The following MAN1C1 variants were observed in gnomAD, a reference collection of about 807,000 sequenced individuals.
MAN1C1 encodes the protein mannosidase alpha class 1C member 1, also known as mannosyl-oligosaccharide 1,2-alpha-mannosidase IC.
MAN1C1 carries 49 observed loss-of-function variants against 71.5 expected under a neutral mutation model. The observed-to-expected ratio is 0.69, with a 90% CI of 0.54 to 0.87. The LOEUF (loss-of-function observed/expected upper bound fraction) is 0.87, where lower values mean the gene tolerates loss of function less well. MAN1C1 is among the 40% of genes least tolerant of loss of function. MAN1C1 has a pLI of 0.00. For synonymous variants in MAN1C1, 352 were observed against 343.7 expected, an observed-to-expected ratio of 1.02 and a Z score of -0.27; for missense variants, 743 against 835.0, an observed-to-expected ratio of 0.89 and a Z score of 1.36.
At chr1:25,739,249 C>T (rs1232895472) in intron 2 of MAN1C1, among the ~76,000 whole-genome samples, 2 of 152,168 alleles carry the variant, frequency 1.3e-5, no homozygotes, top group African/African-American at 2.4e-5. Flanking sequence ...GTCAGTGTCA[C>T]AAGAAAAGCT....
Position 25,778,056 on chromosome 1 carries a change from G to T in MAN1C1, c.1258-49G>T. On this transcript the variant is annotated intron_variant, in intron 8 of 11. Transcript: ENST00000374332. This position sits in a 1 kb window ranked among gnomAD's most constrained non-coding sequence, Gnocchi z 5.5. The stretch of plus-strand genomic sequence containing the variant: ...TTTCCATCCTTTCCCCCCCTTCTCT[G>T]TGCCCTCCCACGCCCCTTCTCCCTG... 1 of 1,362,334 alleles carries T rather than the reference G, an allele frequency of 7.3e-7. No homozygotes were observed. Among genetic ancestry groups the T allele is most frequent in the Non-Finnish European group, 1.0e-6 (1 of 1,000,624 alleles). The allele number at this position is 1,362,334 out of a possible 1,614,324, so 84.4% of individuals were successfully genotyped here.
At chr1:25,719,458 C>T (rs886541630) in intron 2 of MAN1C1, among the ~76,000 whole-genome samples, 1 of 150,346 alleles carries the variant, frequency 6.7e-6, no homozygotes, top group Non-Finnish European at 1.5e-5. Flanking sequence ...GATAGGGTCT[C>T]TCTGTGCTCA....
In MAN1C1 at chr1:25,753,498, G is replaced by A. The variant is rs965801766; in HGVS notation, c.849G>A (p.Lys283=). The A allele has an allele frequency of 4.3e-6, 7 of 1,613,712 alleles. No homozygotes were observed. In the African/African-American group the frequency reaches 5.3e-5, roughly 12 times the overall value. The stretch of plus-strand genomic sequence containing the variant: ...CTCCTTTACAGGTGTTCCGAATAAA[G>A]GCCATCAGGCTGGGAGAGAAGCTCC... ...YLTGEEVFRI[K]AIRLGEKLLP... is the part of the protein sequence containing the mutation. The change falls in exon 5 of 12, where the codon AAG becomes AAA. Residue 283 remains lysine (K), a synonymous_variant. Transcript: ENST00000374332. The surrounding 1 kb of genome is among the most constrained non-coding windows in gnomAD (Gnocchi z 4.9).
intron 1 of MAN1C1, among the ~76,000 whole-genome samples, chr1:25,640,026 A>G (rs1217592415): frequency 6.6e-6 from 1 of 152,214 alleles, no homozygotes; most frequent in Middle Eastern, 3.2e-3. Flanking sequence ...GCTTTTTAAA[A>G]CTTAGTTTGT....
chr1:25,760,731 C>T (rs933136749), intron 6 of MAN1C1: 3 of 152,224 alleles, frequency 2.0e-5, no homozygotes, highest in African/African-American at 4.8e-5. Context: ...CTCCCGGCCC[C>T]GTACACACAT....
At chr1:25,688,023 C>T (rs1470137147) in intron 2 of MAN1C1, among the ~76,000 whole-genome samples, 2 of 151,900 alleles carry the variant, frequency 1.3e-5, no homozygotes, top group Admixed American at 6.6e-5. Flanking sequence ...AATGTTTTAA[C>T]GGTGTCTGTG....
Position 25,778,438 on chromosome 1 carries a change from C to T in MAN1C1, c.1477+114C>T. The T allele has an allele frequency of 9.5e-7, 1 of 1,050,286 alleles. No homozygotes were observed. The highest frequency in any genetic ancestry group is 1.4e-6 in the Non-Finnish European group (1 of 734,624). The allele number at this position is 1,050,286 out of a possible 1,614,324, so 65.1% of individuals were successfully genotyped here. ...GCACATGGCCTTAGGGAAGCCTCCC[C>T]TTGGAAGTTAAGTAGAATTTGAGAG... On this transcript the variant is annotated intron_variant, in intron 9 of 11. Coordinates refer to ENST00000374332, the MANE Select transcript of MAN1C1 (RefSeq NM_020379.4). The surrounding 1 kb of genome is among the most constrained non-coding windows in gnomAD (Gnocchi z 5.5).
intron 1 of MAN1C1, among the ~76,000 whole-genome samples, chr1:25,629,134 T>C (rs2045343079): frequency 6.6e-6 from 1 of 152,202 alleles, no homozygotes; most frequent in African/African-American, 2.4e-5. Flanking sequence ...CAGGATCGAA[T>C]GGTAGATCTA....
chr1:25,689,947 G>T (rs1206952266), intron 2 of MAN1C1, among the ~76,000 whole-genome samples: 2 of 152,198 alleles, frequency 1.3e-5, no homozygotes, highest in East Asian at 3.9e-4. Flanking sequence ...GTTCACACAG[G>T]TGCCTAGTTT....
chr1:25,698,683 G>C (rs2046397905), intron 2 of MAN1C1, among the ~76,000 whole-genome samples: 1 of 152,172 alleles, frequency 6.6e-6, no homozygotes, highest in Admixed American at 6.5e-5. Flanking sequence ...CGGGTGCAGT[G>C]GTTCATGCCT....
chr1:25,732,532 A>T (rs2046922800), intron 2 of MAN1C1, among the ~76,000 whole-genome samples: 1 of 152,214 alleles, frequency 6.6e-6, no homozygotes, highest in Admixed American at 6.5e-5. Context: ...GCGCTCAGCA[A>T]CATGGTGTCG....
At chr1:25,629,421 G>A (rs1325907405) in intron 1 of MAN1C1, among the ~76,000 whole-genome samples, 2 of 152,088 alleles carry the variant, frequency 1.3e-5, no homozygotes, top group South Asian at 2.1e-4. Context: ...GTCTATTCAT[G>A]TCATTTGCCT....
intron 1 of MAN1C1, among the ~76,000 whole-genome samples, chr1:25,677,162 T>C (rs1421374965): frequency 6.6e-6 from 1 of 152,230 alleles, no homozygotes; most frequent in Non-Finnish European, 1.5e-5. Flanking sequence ...CGTGTCATTT[T>C]GATTTGTTCA....
At chr1:25,625,573 T>C (rs951823855) in intron 1 of MAN1C1, among the ~76,000 whole-genome samples, 1 of 152,146 alleles carries the variant, frequency 6.6e-6, no homozygotes, top group African/African-American at 2.4e-5. Flanking sequence ...TCTAGCACTT[T>C]GGGAGGCTGA....
At position 25,618,187 on chromosome 1, in the gene MAN1C1, G is replaced by T; in HGVS notation, c.390G>T (p.Pro130=). 6.3e-7 allele frequency: 1 copy of T among 1,577,234 alleles called. No homozygotes were observed. Among genetic ancestry groups the T allele is most frequent in the Admixed American group, 1.8e-5 (1 of 55,098 alleles). ...EATAARGNSI[P]ASRPGDEGVP... is the part of the protein sequence containing the mutation. ...CGGCGGCCCGGGGCAATAGCATCCC[G>T]GCCTCCAGGCCCGGGGACGAGGGCG... Residue 130 remains proline (P), a synonymous_variant, in exon 1 of 12, where the codon CCG becomes CCT. Coordinates refer to ENST00000374332, the MANE Select transcript of MAN1C1 (RefSeq NM_020379.4).
At chr1:25,750,062 C>T (rs572939147) in intron 4 of MAN1C1, among the ~76,000 whole-genome samples, 1 of 152,326 alleles carries the variant, frequency 6.6e-6, no homozygotes, top group South Asian at 2.1e-4. Flanking sequence ...CCACACCACC[C>T]TCACCTACTC....
chr1:25,774,754 C>T (rs1419118762), intron 8 of MAN1C1, among the ~76,000 whole-genome samples: 4 of 152,132 alleles, frequency 2.6e-5, no homozygotes, highest in East Asian at 1.9e-4. Flanking sequence ...CCTCTCGCCA[C>T]GCTGGGCTCA....
chr1:25,622,586 G>A (rs1253545719), intron 1 of MAN1C1, among the ~76,000 whole-genome samples: 1 of 152,200 alleles, frequency 6.6e-6, no homozygotes, highest in Non-Finnish European at 1.5e-5. Flanking sequence ...TGACCCAAGA[G>A]GCCTTTTAGA....
chr1:25,668,837 C>A (rs868807824), intron 1 of MAN1C1, among the ~76,000 whole-genome samples: 2 of 152,120 alleles, frequency 1.3e-5, no homozygotes, highest in African/African-American at 2.4e-5. Context: ...GGATTACAGG[C>A]GTGAGCCACC....
Sources: allele counts gnomAD v4.1 joint callset (sites outside exome capture counted in the v4.1 genomes callset), GRCh38; gene constraint gnomAD v4.1.1; non-coding constraint Gnocchi (gnomAD v3.1); transcripts MANE v1.5; gene names NCBI Gene and HGNC (gene_info 2026-07-23, HGNC 2026-07-21).